The following MAGED1 variants were observed in gnomAD, a reference collection of about 807,000 sequenced individuals.
MAGED1 encodes the protein melanoma-associated antigen D1.
A neutral mutation model predicts 54.1 loss-of-function variants in MAGED1; 3 were observed. The ratio of observed to expected loss-of-function variants is 0.06; its 90% CI spans 0.03 to 0.14. The LOEUF is 0.14. Ranked by LOEUF, MAGED1 falls within the 10% of genes least tolerant of loss-of-function variation. The pLI is 1.00. For synonymous variants in MAGED1, 217 were observed against 227.3 expected (o/e 0.95, Z 0.41); for missense variants, 485 against 623.4 (o/e 0.78, Z 2.36).
At chrX:51,848,330 G>A (rs1297213583) in intron 1 of MAGED1, among the ~76,000 whole-genome samples, 3 of 111,248 alleles carry the variant, frequency 2.7e-5, no homozygotes, top group African/African-American at 9.8e-5. Context: ...TTTTCCATCT[G>A]CTTATTGTGT....
chrX:51,882,503 C>T (rs1366403012), intron 1 of MAGED1, among the ~76,000 whole-genome samples: 3 of 107,305 alleles, frequency 2.8e-5, no homozygotes, highest in African/African-American at 1.0e-4. Context: ...AACTTGGAAC[C>T]AAGGAATCAA....
chrX:51,889,252 A>C (rs1424525131), upstream of MAGED1, among the ~76,000 whole-genome samples: 1 of 111,880 alleles, frequency 8.9e-6, no homozygotes, highest in Non-Finnish European at 1.9e-5. Flanking sequence ...TTATTTCAAA[A>C]TAAAAAGTTT....
chrX:51,830,862 A>G (rs1269751244), intron 1 of MAGED1, among the ~76,000 whole-genome samples: 2 of 111,347 alleles, frequency 1.8e-5, no homozygotes, highest in Non-Finnish European at 3.8e-5. Context: ...TGTTTTATAT[A>G]TTTATTTATT....
intron 2 of MAGED1, chrX:51,894,708 CTG>C: frequency 8.5e-7 from 1 of 1,169,869 alleles, no homozygotes; most frequent in East Asian, 3.0e-5. Flanking sequence ...ATTCCCCACT[CTG>C]TGCGACCCCC....
chrX:51,849,795 A>G (rs1286292371), intron 1 of MAGED1, among the ~76,000 whole-genome samples: 1 of 111,886 alleles, frequency 8.9e-6, no homozygotes, highest in African/African-American at 3.2e-5. Flanking sequence ...TACATGAACC[A>G]TAACTATAGA....
chrX:51,865,176 G>T (rs1158342903), intron 1 of MAGED1, among the ~76,000 whole-genome samples: 2 of 111,871 alleles, frequency 1.8e-5, no homozygotes, highest in African/African-American at 6.5e-5. Flanking sequence ...TCTAAATTTT[G>T]TTTCTCTTTC....
intron 1 of MAGED1, among the ~76,000 whole-genome samples, chrX:51,807,759 C>A (rs1457506277): frequency 8.9e-6 from 1 of 111,850 alleles, no homozygotes; most frequent in Admixed American, 9.5e-5. Context: ...GTTCTGAATT[C>A]TGTTCAGTTT....
chrX:51,820,836 A>G (rs1350057903), intron 1 of MAGED1, among the ~76,000 whole-genome samples: 3 of 111,642 alleles, frequency 2.7e-5, no homozygotes, highest in Admixed American at 1.9e-4. Context: ...CTACTGTTCA[A>G]TAGAACAACA....
At chrX:51,870,365 T>C (rs1927623238) in intron 1 of MAGED1, among the ~76,000 whole-genome samples, 1 of 112,204 alleles carries the variant, frequency 8.9e-6, no homozygotes, top group Non-Finnish European at 1.9e-5. Flanking sequence ...TCAAAATTGA[T>C]GCGTATGTGA....
intron 1 of MAGED1, among the ~76,000 whole-genome samples, chrX:51,838,581 G>C (rs1218091287): frequency 8.9e-6 from 1 of 112,392 alleles, no homozygotes; most frequent in East Asian, 2.8e-4. Context: ...TCCAGATCCT[G>C]CACAATAATA....
intron 1 of MAGED1, among the ~76,000 whole-genome samples, chrX:51,846,952 A>G (rs1478372918): frequency 8.9e-6 from 1 of 112,023 alleles, no homozygotes; most frequent in Non-Finnish European, 1.9e-5. Flanking sequence ...TTTCACAACT[A>G]TAAGAAAATA....
chrX:51,880,430 C>T (rs1803355526), intron 1 of MAGED1, among the ~76,000 whole-genome samples: 1 of 111,692 alleles, frequency 9.0e-6, no homozygotes, highest in Non-Finnish European at 1.9e-5. Context: ...GAGGGGGACT[C>T]CATACTGCTG....
intron 1 of MAGED1, among the ~76,000 whole-genome samples, chrX:51,824,804 G>A (rs1055134175): frequency 3.8e-5 from 3 of 79,461 alleles, no homozygotes; most frequent in Non-Finnish European, 6.9e-5. Context: ...GTATATATAC[G>A]TACATATATG....
intron 1 of MAGED1, among the ~76,000 whole-genome samples, chrX:51,837,316 C>T (rs1926290236): frequency 9.0e-6 from 1 of 111,664 alleles, no homozygotes; most frequent in Admixed American, 9.5e-5. Context: ...ATCTTATCAA[C>T]TCTAAATATT....
At chrX:51,804,790 G>A (rs1557354888) in intron 1 of MAGED1, among the ~76,000 whole-genome samples, 3 of 111,773 alleles carry the variant, frequency 2.7e-5, no homozygotes, top group Admixed American at 9.5e-5. Context: ...TAGATAGGAT[G>A]GGCAGGAAGG....
upstream of MAGED1, among the ~76,000 whole-genome samples, chrX:51,893,162 C>CGGAT (rs1928511995): frequency 1.8e-5 from 2 of 110,923 alleles, no homozygotes; most frequent in Non-Finnish European, 3.8e-5. Flanking sequence ...ATAGTGTATC[C>CGGAT]TCTCAGGCCA....
chrX:51,850,184 G>A (rs1462671686), intron 1 of MAGED1, among the ~76,000 whole-genome samples: 1 of 111,699 alleles, frequency 9.0e-6, no homozygotes, highest in African/African-American at 3.3e-5. Context: ...ACCTCCCAAA[G>A]TGCTGGGATT....
At chrX:51,829,833 A>G (rs1311526101) in intron 1 of MAGED1, among the ~76,000 whole-genome samples, 5 of 111,787 alleles carry the variant, frequency 4.5e-5, no homozygotes, top group Admixed American at 9.5e-5. Context: ...GGTTGTAGGG[A>G]AACAGTAGTC....
chrX:51,820,542 C>A (rs1557356439), intron 1 of MAGED1, among the ~76,000 whole-genome samples: 1 of 111,831 alleles, frequency 8.9e-6, no homozygotes, highest in Non-Finnish European at 1.9e-5. Context: ...ACCTCCTTGG[C>A]TAAATTTATT....
Sources: gnomAD v4.1 joint callset for allele counts (sites outside exome capture counted in the v4.1 genomes callset) on GRCh38, gnomAD v4.1.1 for gene constraint, MANE v1.5 for transcripts, NCBI Gene and HGNC (gene_info 2026-07-23, HGNC 2026-07-21) for gene names.